The following AUH variants were observed in gnomAD, a reference collection of about 807,000 sequenced individuals.
AUH encodes the protein AU RNA binding methylglutaconyl-CoA hydratase.
Under a neutral mutation model 42.3 loss-of-function variants are expected in AUH, and 29 were observed. That is an observed-to-expected ratio of 0.69 (90% CI 0.51 to 0.93). The LOEUF (loss-of-function observed/expected upper bound fraction) is 0.93. Among genes scored for constraint, AUH ranks in the 40% least tolerant of loss-of-function variants. The pLI is 0.00. For missense variants in AUH, 452 were observed against 438.1 expected, an observed-to-expected ratio of 1.03 and a Z score of -0.28; for synonymous variants, 174 against 166.4, an observed-to-expected ratio of 1.05 and a Z score of -0.35.
At chr9:91,274,466 A>C (rs958860065) in intron 6 of AUH, among the ~76,000 whole-genome samples, 5 of 152,236 alleles carry the variant, frequency 3.3e-5, no homozygotes, top group African/African-American at 9.6e-5. Flanking sequence ...ATGTGTTCTT[A>C]ATATACTTGA....
chr9:91,347,971 T>G (rs1357797618), intron 3 of AUH, among the ~76,000 whole-genome samples: 1 of 151,694 alleles, frequency 6.6e-6, no homozygotes, highest in Non-Finnish European at 1.5e-5. Flanking sequence ...CATAAAAAAC[T>G]TTTGTTCTTC....
intron 6 of AUH, among the ~76,000 whole-genome samples, chr9:91,290,125 G>A (rs1368149424): frequency 6.6e-6 from 1 of 152,116 alleles, no homozygotes; most frequent in East Asian, 1.9e-4. Flanking sequence ...ACTCACTTAG[G>A]ACAAAAGAGG....
intron 3 of AUH, among the ~76,000 whole-genome samples, chr9:91,331,420 T>C (rs1196541389): frequency 2.0e-5 from 3 of 152,226 alleles, no homozygotes; most frequent in African/African-American, 4.8e-5. Context: ...TTTCATATGT[T>C]CCTTGTATTT....
At chr9:91,296,987 G>C (rs1478304511) in intron 5 of AUH, among the ~76,000 whole-genome samples, 1 of 152,216 alleles carries the variant, frequency 6.6e-6, no homozygotes, top group Non-Finnish European at 1.5e-5. Flanking sequence ...AACGATAATG[G>C]AAAGCAAGAG....
chr9:91,291,774 G>A lies in AUH; in HGVS notation c.655+4247C>T, dbSNP rs868515225. On this transcript the variant is annotated intron_variant, in intron 6 of 9. Coordinates refer to ENST00000375731, the MANE Select transcript of AUH (RefSeq NM_001698.3). ...TTTTAACCAATTCATATGCAAGTAT[G>A]TCTTCCATGTTCAACACTGAGTTTA... is the stretch of plus-strand genomic sequence containing the variant. Among the ~76,000 whole-genome samples, 7 of 152,182 alleles carry A rather than the reference G, an allele frequency of 4.6e-5. No individual in the cohort carries two copies. The Middle Eastern group carries it at 0.014, about 296-fold the overall frequency.
At chr9:91,312,005 CAT>C (rs779415025) in intron 4 of AUH, among the ~76,000 whole-genome samples, 9 of 149,770 alleles carry the variant, frequency 6.0e-5, no homozygotes, top group Non-Finnish European at 1.2e-4. Flanking sequence ...AAAATAGTCA[CAT>C]GACTTTTTTT....
At chr9:91,307,093 G>A (rs999171474) in intron 4 of AUH, among the ~76,000 whole-genome samples, 2 of 152,236 alleles carry the variant, frequency 1.3e-5, no homozygotes, top group African/African-American at 4.8e-5. Flanking sequence ...TAGCAGGGAG[G>A]GGCAAAAGAA....
At position 91,240,951 on chromosome 9, in the gene AUH, C is replaced by T. The variant is rs190952846; in HGVS notation, c.656-19959G>A. ...ATGGCCAGGGTAGGAGGATGCTGCA[C>T]AGCACAAAGTGGGAAAACAGCCAGC... On this transcript the variant is annotated intron_variant, in intron 6 of 9. Coordinates refer to ENST00000375731, the MANE Select transcript of AUH (RefSeq NM_001698.3). Among the ~76,000 whole-genome samples the T allele has an allele frequency of 3.7e-4, 57 of 152,266 alleles. No individual in the cohort carries two copies. In the East Asian group the frequency reaches 0.01, roughly 27 times the overall value.
intron 3 of AUH, among the ~76,000 whole-genome samples, chr9:91,348,479 G>A (rs115218182): frequency 7.3e-4 from 111 of 152,244 alleles, no homozygotes; most frequent in African/African-American, 2.4e-3. Flanking sequence ...AAAGCCAAAC[G>A]ATGGAAAAAC....
chr9:91,343,525 G>C (rs1287943765), intron 3 of AUH, among the ~76,000 whole-genome samples: 1 of 152,214 alleles, frequency 6.6e-6, no homozygotes, highest in African/African-American at 2.4e-5. Context: ...CCAACACTTT[G>C]GGAGGCTGAG....
At chr9:91,250,125 G>T (rs1829046195) in intron 6 of AUH, among the ~76,000 whole-genome samples, 1 of 152,134 alleles carries the variant, frequency 6.6e-6, no homozygotes, top group South Asian at 2.1e-4. Flanking sequence ...GAAGGACAGA[G>T]GAGCTGTCAA....
intron 4 of AUH, among the ~76,000 whole-genome samples, chr9:91,322,519 C>T (rs1829661274): frequency 6.6e-6 from 1 of 152,080 alleles, no homozygotes; most frequent in Non-Finnish European, 1.5e-5. Flanking sequence ...TTATAGAAAT[C>T]AAAACACGTA....
At chr9:91,337,927 A>G (rs1830810739) in intron 3 of AUH, among the ~76,000 whole-genome samples, 1 of 152,226 alleles carries the variant, frequency 6.6e-6, no homozygotes, top group African/African-American at 2.4e-5. Context: ...CCTTCTTGGT[A>G]TAACATGACT....
At chr9:91,298,148 T>C (rs957940607) in intron 4 of AUH, 72 bp from the exon 5 acceptor site, 15 of 1,260,856 alleles carry the variant, frequency 1.2e-5, no homozygotes, top group Non-Finnish European at 1.6e-5. Context: ...TTTTTAATTT[T>C]TTTCTGTGAA....
rs189021238 is a variant in AUH at position 91,306,795 on chromosome 9, G to A, written c.506-8719C>T. Among the ~76,000 whole-genome samples the A allele has an allele frequency of 1.2e-3, 187 of 152,268 alleles. 3 individuals are homozygous for A. The highest frequency in any genetic ancestry group is 6.6e-3 in the East Asian group (34 of 5,190). ...CCACTACATTGAAAATGCTACTGAGGAAGCAACGGCCATAACTTGATCCAT... is the reference window on the plus strand; with the variant it reads ...CCACTACATTGAAAATGCTACTGAGAAAGCAACGGCCATAACTTGATCCAT... On this transcript the variant is annotated intron_variant, in intron 4 of 9. Coordinates refer to ENST00000375731, the MANE Select transcript of AUH (RefSeq NM_001698.3).
intron 4 of AUH, among the ~76,000 whole-genome samples, chr9:91,310,039 G>C (rs1828581343): frequency 6.6e-6 from 1 of 152,038 alleles, no homozygotes; most frequent in African/African-American, 2.4e-5. Context: ...GGGTCAACCT[G>C]CCTCAACTCC....
chr9:91,286,212 T>C (rs767897992), intron 6 of AUH, among the ~76,000 whole-genome samples: 1 of 152,102 alleles, frequency 6.6e-6, no homozygotes, highest in Admixed American at 6.6e-5. Flanking sequence ...ATGACTACTG[T>C]GTTCAGGACT....
chr9:91,319,816 C>T (rs1214032554), intron 4 of AUH, among the ~76,000 whole-genome samples: 1 of 152,180 alleles, frequency 6.6e-6, no homozygotes, highest in East Asian at 1.9e-4. Flanking sequence ...CAGAAGAATG[C>T]CAACATATAA....
At chr9:91,225,078 G>T (rs927292063) in intron 6 of AUH, among the ~76,000 whole-genome samples, 1 of 152,156 alleles carries the variant, frequency 6.6e-6, no homozygotes, top group African/African-American at 2.4e-5. Context: ...TTTCCAGCTT[G>T]AAAGTACTTA....
Sources: allele counts gnomAD v4.1 joint callset (sites outside exome capture counted in the v4.1 genomes callset), GRCh38; gene constraint gnomAD v4.1.1; transcripts MANE v1.5; gene names NCBI Gene and HGNC (gene_info 2026-07-23, HGNC 2026-07-21).